ZNF536: variants seen among roughly 807,000 people sequenced by gnomAD.
ZNF536 encodes the protein zinc finger protein 536.
ZNF536 carries 13 observed loss-of-function variants against 84.5 expected under a neutral mutation model. The observed-to-expected ratio is 0.15, with a 90% CI of 0.10 to 0.24. ZNF536 has a LOEUF of 0.24. ZNF536 is among the 10% of genes least tolerant of loss of function. The pLI is 1.00. For missense variants in ZNF536, 1,536 were observed against 1,747.5 expected (o/e 0.88, Z 2.16); for synonymous variants, 811 against 742.5 (o/e 1.09, Z -1.50).
At chr19:30,446,263 A>AAAAAG (rs2052335576) in intron 2 of ZNF536, among the ~76,000 whole-genome samples, 2 of 149,916 alleles carry the variant, frequency 1.3e-5, no homozygotes, top group Non-Finnish European at 3.0e-5. Flanking sequence ...AAAAAAAAAA[A>AAAAAG]AAAAAAAAAA....
At chr19:30,408,841 T>C (rs368431342) in intron 1 of ZNF536, among the ~76,000 whole-genome samples, 22 of 148,968 alleles carry the variant, frequency 1.5e-4, no homozygotes, top group East Asian at 1.0e-3. Flanking sequence ...CATCCATCTA[T>C]ATATTCATCC....
chr19:30,702,251 T>C (rs1341278887), intron 1 of ZNF536, among the ~76,000 whole-genome samples: 1 of 152,244 alleles, frequency 6.6e-6, no homozygotes, highest in East Asian at 1.9e-4. Context: ...ACTTGCTTTC[T>C]CCTTACTCCT....
intron 2 of ZNF536, among the ~76,000 whole-genome samples, chr19:30,299,967 C>G (rs923636505): frequency 6.6e-6 from 1 of 152,106 alleles, no homozygotes; most frequent in Non-Finnish European, 1.5e-5. Flanking sequence ...CAAGCCATCT[C>G]GATGCACAGT....
intron 2 of ZNF536, among the ~76,000 whole-genome samples, chr19:30,526,103 G>T (rs2145799169): frequency 6.6e-6 from 1 of 152,280 alleles, no homozygotes; most frequent in African/African-American, 2.4e-5. Context: ...CTCTGGGGTG[G>T]GCTCCAGCCC....
chr19:30,279,916 G>A (rs376798354), intron 1 of ZNF536, among the ~76,000 whole-genome samples: 2 of 152,122 alleles, frequency 1.3e-5, no homozygotes, highest in Non-Finnish European at 2.9e-5. Flanking sequence ...AGTTTCCCTG[G>A]CTCCCAATTG....
intron 1 of ZNF536, among the ~76,000 whole-genome samples, chr19:30,574,344 T>C (rs959256846): frequency 1.3e-5 from 2 of 152,174 alleles, no homozygotes; most frequent in Admixed American, 1.3e-4. Flanking sequence ...GAAGCCAGGA[T>C]CCCAGGTGGG....
chr19:30,287,755 T>C (rs1388231411), intron 2 of ZNF536, among the ~76,000 whole-genome samples: 1 of 147,756 alleles, frequency 6.8e-6, no homozygotes, highest in African/African-American at 2.5e-5. Context: ...GGTGGATGGA[T>C]GGATGGATTG....
chr19:30,337,183 C>G (rs1456925687), intron 2 of ZNF536, among the ~76,000 whole-genome samples: 1 of 152,158 alleles, frequency 6.6e-6, no homozygotes, highest in Admixed American at 6.5e-5. Context: ...CTGATGGAAA[C>G]CCCTGCTGAG....
chr19:30,619,173 T>C (rs1433574171), intron 1 of ZNF536, among the ~76,000 whole-genome samples: 1 of 152,214 alleles, frequency 6.6e-6, no homozygotes, highest in East Asian at 1.9e-4. Context: ...GTTATGTGCA[T>C]GTTGAATTCT....
At position 30,445,680 on chromosome 19, in the gene ZNF536, G is replaced by T. The variant is rs1367118263; in HGVS notation, c.2118G>T (p.Gln706His). Reference sequence around the variant, plus strand: ...GCGGGGTCGGAGGCGGCCTCTCCCAGACCGGGAGTGCCCAGGAGGACAGCC... The same window carrying T: ...GCGGGGTCGGAGGCGGCCTCTCCCATACCGGGAGTGCCCAGGAGGACAGCC... ...EESGVGGGLS[Q>H]TGSAQEDSPH... Residue 706 changes from glutamine (Q) to histidine (H), a missense_variant, in exon 2 of 5, where the codon CAG becomes CAT. Transcript: ENST00000355537. The surrounding 1 kb of genome is among the most constrained non-coding windows in gnomAD (Gnocchi z 4.5). 5 of 1,603,132 alleles carry T rather than the reference G, an allele frequency of 3.1e-6. No individual in the cohort carries two copies. The highest frequency in any genetic ancestry group is 1.1e-5 in the South Asian group (1 of 89,436).
chr19:30,577,849 T>C (rs1247543941), intron 1 of ZNF536, among the ~76,000 whole-genome samples: 1 of 152,230 alleles, frequency 6.6e-6, no homozygotes. Context: ...TGTTCCATCT[T>C]TTCAAATGCA....
rs914928485 is a variant in ZNF536 at position 30,478,946 on chromosome 19, C to T, written c.2170+33214C>T. Among the ~76,000 whole-genome samples, 3 of 152,176 alleles carry T rather than the reference C, an allele frequency of 2.0e-5. 1 individual carries two copies. The highest frequency in any genetic ancestry group is 1.9e-4 in the East Asian group (1 of 5,180). Reference sequence around the variant, plus strand: ...CTCATCCTTCCGAGGCCATTTTTGCCTGTCTGGGGACCACGGATTCTCTGG... The same window carrying T: ...CTCATCCTTCCGAGGCCATTTTTGCTTGTCTGGGGACCACGGATTCTCTGG... On this transcript the variant is annotated intron_variant, in intron 2 of 4. Coordinates refer to ENST00000355537, the MANE Select transcript of ZNF536 (RefSeq NM_014717.3).
intron 3 of ZNF536, among the ~76,000 whole-genome samples, chr19:30,536,177 A>G (rs2045071662): frequency 6.6e-6 from 1 of 152,054 alleles, no homozygotes; most frequent in African/African-American, 2.4e-5. Flanking sequence ...CCCCGGCCCC[A>G]TCCTGCCCCC....
At chr19:30,405,383 T>C (rs1282600396) in intron 1 of ZNF536, among the ~76,000 whole-genome samples, 1 of 152,170 alleles carries the variant, frequency 6.6e-6, no homozygotes, top group Non-Finnish European at 1.5e-5. Context: ...AGCCAGGAAC[T>C]GCAGACAAAA....
At chr19:30,406,495 G>C (rs1422180043) in intron 1 of ZNF536, among the ~76,000 whole-genome samples, 1 of 152,190 alleles carries the variant, frequency 6.6e-6, no homozygotes, top group Non-Finnish European at 1.5e-5. Flanking sequence ...GAGCTCTGCT[G>C]TTGGGGAAGG....
chr19:30,679,728 C>G (rs754389814), intron 1 of ZNF536, among the ~76,000 whole-genome samples: 41 of 152,320 alleles, frequency 2.7e-4, no homozygotes, highest in Non-Finnish European at 5.1e-4. Context: ...TCCCCCAGAG[C>G]CTCTGAGGGT....
At chr19:30,531,629 A>T (rs536254942) in intron 2 of ZNF536, among the ~76,000 whole-genome samples, 1 of 151,788 alleles carries the variant, frequency 6.6e-6, no homozygotes, top group African/African-American at 2.4e-5. Context: ...CCCAGTGTCC[A>T]TATATATTTT....
chr19:30,345,986 G>C (rs1215695808), intron 2 of ZNF536, among the ~76,000 whole-genome samples: 2 of 152,228 alleles, frequency 1.3e-5, no homozygotes, highest in Non-Finnish European at 2.9e-5. Flanking sequence ...AGTGTGACCA[G>C]GTTGATGACT....
intron 1 of ZNF536, among the ~76,000 whole-genome samples, chr19:30,232,603 C>A (rs746832234): frequency 6.6e-6 from 1 of 152,202 alleles, no homozygotes; most frequent in Non-Finnish European, 1.5e-5. Context: ...CACTGTAGAT[C>A]TCTGGTCTTT....
Sources: gnomAD v4.1 joint callset for allele counts (sites outside exome capture counted in the v4.1 genomes callset) on GRCh38, gnomAD v4.1.1 for gene constraint, Gnocchi (gnomAD v3.1) non-coding constraint, MANE v1.5 for transcripts, NCBI Gene and HGNC (gene_info 2026-07-23, HGNC 2026-07-21) for gene names.